ACOT7: variants seen among roughly 807,000 people sequenced by gnomAD.
The protein encoded by ACOT7 is cytosolic acyl coenzyme A thioester hydrolase.
In ACOT7, 12 loss-of-function variants were observed where a neutral mutation model predicts 40.2. The ratio of observed to expected loss-of-function variants is 0.30; its 90% CI spans 0.19 to 0.48. The LOEUF (loss-of-function observed/expected upper bound fraction) is 0.48. Ranked by LOEUF, ACOT7 falls within the 20% of genes least tolerant of loss-of-function variation. The pLI, the probability that ACOT7 is intolerant of heterozygous loss-of-function variation, is 0.99. For synonymous variants in ACOT7, 228 were observed against 219.5 expected (o/e 1.04, Z -0.34); for missense variants, 395 against 530.8 (o/e 0.74, Z 2.51).
At chr1:6,305,034 C>A (rs1211694828) in intron 6 of ACOT7, among the ~76,000 whole-genome samples, 34 of 149,478 alleles carry the variant, frequency 2.3e-4, no homozygotes, top group African/African-American at 8.2e-4. Context: ...CTGACCCCCC[C>A]GCCTCCCTCC....
chr1:6,386,365 T>C (rs1182705273), intron 1 of ACOT7, among the ~76,000 whole-genome samples: 1 of 152,172 alleles, frequency 6.6e-6, no homozygotes, highest in Admixed American at 6.5e-5. Context: ...AAACATCAAA[T>C]GCTTACAAGA....
rs2076477 is a variant in ACOT7, at chr1:6,358,552, G to A, written c.144-8686C>T. ...CAGGTGCCTTCCTCCCTGGGGACTAGAGCAGGCAGGGGAGTGCCCTGGTCC... is the reference window on the plus strand; with the variant it reads ...CAGGTGCCTTCCTCCCTGGGGACTAAAGCAGGCAGGGGAGTGCCCTGGTCC... On this transcript the variant is annotated intron_variant, in intron 1 of 8. Coordinates refer to ENST00000361521, the MANE Select transcript of ACOT7 (RefSeq NM_007274.4). The surrounding 1 kb of genome is among the most constrained non-coding windows in gnomAD (Gnocchi z 4.1). Among the ~76,000 whole-genome samples, 1 of 152,182 alleles carries A rather than the reference G, an allele frequency of 6.6e-6. No individual in the cohort carries two copies. Among genetic ancestry groups the A allele is most frequent in the Non-Finnish European group, 1.5e-5 (1 of 68,018 alleles).
At chr1:6,316,580 T>C (rs1408172657) in intron 6 of ACOT7, among the ~76,000 whole-genome samples, 1 of 152,168 alleles carries the variant, frequency 6.6e-6, no homozygotes. Context: ...GAGGCCAAGG[T>C]GGGCAGATCA....
intron 6 of ACOT7, among the ~76,000 whole-genome samples, chr1:6,305,637 C>G (rs1180332629): frequency 8.6e-5 from 13 of 151,236 alleles, no homozygotes; most frequent in Admixed American, 4.6e-4. Context: ...GATGGGCGGC[C>G]GGGCAGAGAC....
chr1:6,366,842 G>A (rs1301959044), intron 1 of ACOT7, among the ~76,000 whole-genome samples: 2 of 151,976 alleles, frequency 1.3e-5, no homozygotes, highest in African/African-American at 4.8e-5. Context: ...TTTTAGTAGA[G>A]ATGGGGAGAA....
At chr1:6,371,837 G>C (rs566392501) in intron 1 of ACOT7, among the ~76,000 whole-genome samples, 20 of 151,880 alleles carry the variant, frequency 1.3e-4, no homozygotes, top group African/African-American at 4.6e-4. Context: ...TTGAGGTCAG[G>C]AGTTCGAGAC....
chr1:6,268,767 C>G (rs538798574), intron 8 of ACOT7, among the ~76,000 whole-genome samples: 5 of 152,256 alleles, frequency 3.3e-5, no homozygotes, highest in African/African-American at 9.6e-5. Flanking sequence ...GCCAGCCACA[C>G]GCAGCAGTGG....
rs954275294 is a variant in ACOT7 at position 6,306,167 on chromosome 1, A to T, written c.713-11187T>A. ...CAGTCCAGCTTCGGCTCGGCATCAG[A>T]GGGAGACCGTGGCAAGAGAGGGAGA... On this transcript the variant is annotated intron_variant, in intron 6 of 8. Coordinates refer to ENST00000361521, the MANE Select transcript of ACOT7 (RefSeq NM_007274.4). This position sits in a 1 kb window ranked among gnomAD's most constrained non-coding sequence, Gnocchi z 4.3. The T allele has an allele frequency of 4.7e-6, 4 of 847,986 alleles. No homozygotes were observed. The East Asian group carries it at 5.5e-4, about 117-fold the overall frequency. 52.5% of individuals were successfully genotyped at this position (847,986 alleles called of 1,614,324 possible).
rs76444573 is a variant in ACOT7, at chr1:6,274,624, G to A, written c.1014+6478C>T. On this transcript the variant is annotated intron_variant, in intron 8 of 8. Transcript: ENST00000361521. This position sits in a 1 kb window ranked among gnomAD's most constrained non-coding sequence, Gnocchi z 5.9. ...CCAGAGCCTTCTGAAAGTTGTGTGGGTCTGTGCTGAGGCCACGCCTCACAT... is the reference window on the plus strand; with the variant it reads ...CCAGAGCCTTCTGAAAGTTGTGTGGATCTGTGCTGAGGCCACGCCTCACAT... 6.1e-3 allele frequency among the ~76,000 whole-genome samples: 929 copies of A among 152,332 alleles called. 11 individuals are homozygous for A. Among genetic ancestry groups the A allele is most frequent in the African/African-American group, 0.021 (887 of 41,570 alleles).
chr1:6,275,753 C>T lies in ACOT7; in HGVS notation c.1014+5349G>A, dbSNP rs567034933. Among the ~76,000 whole-genome samples the T allele has an allele frequency of 5.3e-5, 8 of 151,544 alleles. No homozygotes were observed. The highest frequency in any genetic ancestry group is 1.0e-4 in the Non-Finnish European group (7 of 67,888). On this transcript the variant is annotated intron_variant, in intron 8 of 8. Coordinates refer to ENST00000361521, the MANE Select transcript of ACOT7 (RefSeq NM_007274.4). This position sits in a 1 kb window ranked among gnomAD's most constrained non-coding sequence, Gnocchi z 5.6. Reference sequence around the variant, plus strand: ...AAAAAAAAAAAAAAGATGGCCGCACCTGCCTTCATTACTGCCTCCCACTTC... The same window carrying T: ...AAAAAAAAAAAAAAGATGGCCGCACTTGCCTTCATTACTGCCTCCCACTTC...
intron 6 of ACOT7, among the ~76,000 whole-genome samples, chr1:6,308,171 C>G (rs1033833761): frequency 4.1e-5 from 6 of 147,444 alleles, no homozygotes; most frequent in Non-Finnish European, 7.5e-5. Context: ...GAACTACAAC[C>G]GGGCAGAGGG....
chr1:6,366,865 G>A (rs1042921753), intron 1 of ACOT7, among the ~76,000 whole-genome samples: 2 of 152,008 alleles, frequency 1.3e-5, no homozygotes, highest in African/African-American at 4.8e-5. Context: ...TGTCAGCCAA[G>A]ATGGTCTCGA....
At chr1:6,273,980 G>A (rs116374632) in intron 8 of ACOT7, among the ~76,000 whole-genome samples, 1,673 of 152,272 alleles carry the variant, frequency 0.011, 29 homozygotes, top group African/African-American at 0.037. Context: ...TCCTGGGACC[G>A]GACCTCTCTT....
chr1:6,320,182 C>T (rs1640603619), intron 5 of ACOT7, among the ~76,000 whole-genome samples: 2 of 152,236 alleles, frequency 1.3e-5, no homozygotes, highest in Non-Finnish European at 2.9e-5. Context: ...ATGATGTAAA[C>T]ACCTAGCACA....
At position 6,308,003 on chromosome 1, in the gene ACOT7, C is replaced by T. The variant is rs796445696; in HGVS notation, c.712+10489G>A. 4.6e-5 allele frequency among the ~76,000 whole-genome samples: 7 copies of T among 150,794 alleles called. 1 individual carries two copies. Among genetic ancestry groups the T allele is most frequent in the African/African-American group, 1.7e-4 (7 of 41,042 alleles). On this transcript the variant is annotated intron_variant, in intron 6 of 8. Coordinates refer to ENST00000361521, the MANE Select transcript of ACOT7 (RefSeq NM_007274.4). ...GCAACCAGGCAGAGGGAACCACAAC[C>T]AGGCAGAGGGAACTACAACCAGGCA...
chr1:6,270,078 G>A (rs1638984649), intron 8 of ACOT7, among the ~76,000 whole-genome samples: 1 of 152,228 alleles, frequency 6.6e-6, no homozygotes, highest in Non-Finnish European at 1.5e-5. Context: ...CACTGCTGGT[G>A]GGCAGCCAGC....
intron 6 of ACOT7, among the ~76,000 whole-genome samples, chr1:6,300,932 G>A (rs1174064762): frequency 6.6e-6 from 1 of 152,270 alleles, no homozygotes; most frequent in African/African-American, 2.4e-5. Context: ...CACATGGAGA[G>A]TCACGCTTCC....
chr1:6,360,678 C>T (rs971699201), intron 1 of ACOT7: 2 of 1,614,146 alleles, frequency 1.2e-6, no homozygotes, highest in Non-Finnish European at 1.7e-6. Context: ...CCTGTCGGCT[C>T]CCTCCAGAAG....
At chr1:6,323,708 A>G (rs1314193413) in intron 5 of ACOT7, among the ~76,000 whole-genome samples, 5 of 114,146 alleles carry the variant, frequency 4.4e-5, no homozygotes, top group Non-Finnish European at 8.6e-5. Flanking sequence ...ACAGAGTGAG[A>G]CTTGTCTCAA....
Sources: allele counts gnomAD v4.1 joint callset (sites outside exome capture counted in the v4.1 genomes callset), GRCh38; gene constraint gnomAD v4.1.1; non-coding constraint Gnocchi (gnomAD v3.1); transcripts MANE v1.5; gene names NCBI Gene and HGNC (gene_info 2026-07-23, HGNC 2026-07-21).